The following DCAF1 variants were observed in gnomAD, a reference collection of about 807,000 sequenced individuals.
DCAF1 encodes the protein DDB1- and CUL4-associated factor 1.
DCAF1 carries 15 observed loss-of-function variants against 128.0 expected under a neutral mutation model. That is an observed-to-expected ratio of 0.12 (90% CI 0.08 to 0.18). DCAF1 has a LOEUF of 0.18. Among genes scored for constraint, DCAF1 ranks in the 10% least tolerant of loss-of-function variants. DCAF1 has a pLI of 1.00. For missense variants in DCAF1, 988 were observed against 1,649.5 expected (o/e 0.60, Z 6.95); for synonymous variants, 610 against 603.0 (o/e 1.01, Z -0.17).
At chr3:51,453,727 C>T (rs1702585564) in intron 6 of DCAF1, among the ~76,000 whole-genome samples, 1 of 152,052 alleles carries the variant, frequency 6.6e-6, no homozygotes, top group Admixed American at 6.6e-5. Context: ...CCAAGGCGGG[C>T]AGATCAGCTG....
At chr3:51,493,857 C>G (rs1417131625) in intron 2 of DCAF1, among the ~76,000 whole-genome samples, 1 of 151,662 alleles carries the variant, frequency 6.6e-6, no homozygotes, top group Non-Finnish European at 1.5e-5. Context: ...ATTAGCCGGG[C>G]GTGGTGGCAT....
intron 16 of DCAF1, 149 bp from the exon 17 acceptor site, chr3:51,418,347 G>A (rs1553631149): frequency 1.4e-5 from 20 of 1,415,556 alleles, no homozygotes. Flanking sequence ...GAAATGGTCA[G>A]AAGCCACTAG....
intron 6 of DCAF1, among the ~76,000 whole-genome samples, chr3:51,460,714 T>C (rs1161405803): frequency 1.3e-5 from 2 of 152,052 alleles, no homozygotes; most frequent in Non-Finnish European, 2.9e-5. Flanking sequence ...AAAACAGATA[T>C]ATAGACCAAT....
chr3:51,414,381 G>A (rs1161884022), intron 19 of DCAF1, among the ~76,000 whole-genome samples: 1 of 152,194 alleles, frequency 6.6e-6, no homozygotes, highest in Non-Finnish European at 1.5e-5. Flanking sequence ...GGAGAACTGG[G>A]AGGTAGGAAA....
In DCAF1 at chr3:51,439,442, A is replaced by ATT. The variant is rs1191716094; in HGVS notation, c.1128+1526_1128+1527dup. On this transcript the variant is annotated intron_variant, in intron 9 of 24. Transcript: ENST00000684031. ...CGTGCCTGGCCTGTCTGCTATTTCTATTTTTTTTTTTTTTTTTGAGACAGA... is the reference window on the plus strand; with the variant it reads ...CGTGCCTGGCCTGTCTGCTATTTCTATTTTTTTTTTTTTTTTTTTGAGACAGA... Among the ~76,000 whole-genome samples, 1,246 of 128,340 alleles carry ATT rather than the reference A, an allele frequency of 9.7e-3. 42 individuals carry two copies. Among genetic ancestry groups the ATT allele is most frequent in the East Asian group, 0.011 (46 of 4,350 alleles). The allele number at this position is 128,340 out of a possible 152,430, so 84.2% of individuals were successfully genotyped here.
At chr3:51,407,181 AAC>A (rs1697920563) in intron 23 of DCAF1, among the ~76,000 whole-genome samples, 11 of 61,238 alleles carry the variant, frequency 1.8e-4, no homozygotes, top group South Asian at 1.1e-3. Flanking sequence ...AAAAAAAAAC[AAC>A]AACAAAACCG....
intron 13 of DCAF1, among the ~76,000 whole-genome samples, chr3:51,422,649 A>C (rs1445367986): frequency 6.6e-6 from 1 of 152,236 alleles, no homozygotes; most frequent in African/African-American, 2.4e-5. Flanking sequence ...ATTTTTACCT[A>C]TTAAACTTCT....
At chr3:51,429,807 T>A (rs1418617402) in intron 11 of DCAF1, among the ~76,000 whole-genome samples, 1 of 151,974 alleles carries the variant, frequency 6.6e-6, no homozygotes, top group Non-Finnish European at 1.5e-5. Flanking sequence ...ATCCCCGTTA[T>A]AAGATTACTA....
In DCAF1 at chr3:51,441,835, T is replaced by C; in HGVS notation, c.576A>G (p.Glu192=). 6.2e-7 allele frequency: 1 copy of C among 1,613,422 alleles called. No individual in the cohort carries two copies. Among genetic ancestry groups the C allele is most frequent in the South Asian group, 1.1e-5 (1 of 91,080 alleles). The change falls in exon 8 of 25, where the codon GAA becomes GAG. Residue 192 remains glutamate, a synonymous_variant. Transcript: ENST00000684031. ...GCTTCCGTGGACTGGGACGCTTGTT[T>C]TCCTGCCGCAAAGCCACTTCCTGTA... ...LQLQEVALRQ[E]NKRPSPRKLS...
At chr3:51,501,577 T>C (rs1708810865), upstream of DCAF1, among the ~76,000 whole-genome samples, 3 of 152,180 alleles carry the variant, frequency 2.0e-5, no homozygotes, top group Non-Finnish European at 2.9e-5. Context: ...GCTCGACAGC[T>C]AGTAAGGATC....
At chr3:51,429,907 A>G (rs1700224649) in intron 11 of DCAF1, 126 bp downstream of exon 11, 1 of 598,770 alleles carries the variant, frequency 1.7e-6, no homozygotes, top group African/African-American at 1.9e-5. Context: ...AAAAAACTTC[A>G]CAAAAAGAAT....
Position 51,403,345 on chromosome 3 carries a change from G to A in DCAF1, c.4263C>T (p.Thr1421=), listed in dbSNP as rs782571547. ...CAGTGTCAAGCTCATCTAAATCATC[G>A]GTGTCATCATCATCTTCATCATCAT... ...EEDDDEDDDD[T]DDLDELDTDQ... Residue 1421 remains threonine, a synonymous_variant, in exon 24 of 25, where the codon ACC becomes ACT. Transcript: ENST00000684031. The A allele has an allele frequency of 1.7e-5, 27 of 1,556,648 alleles. No individual in the cohort carries two copies. Among genetic ancestry groups the A allele is most frequent in the Admixed American group, 1.2e-4 (6 of 51,314 alleles).
chr3:51,446,756 T>C (rs1248547400), intron 6 of DCAF1, among the ~76,000 whole-genome samples: 1 of 150,432 alleles, frequency 6.6e-6, no homozygotes, highest in Non-Finnish European at 1.5e-5. Flanking sequence ...AGGACAGGAG[T>C]TCAAGACCAG....
rs1553631428 is a variant in DCAF1, at chr3:51,418,801, C to T, written c.3312G>A (p.Arg1104=). ...AGGTGCCAAGCATCAGGAACCGCTC[C>T]CGTGCTGAGAATGCACAGCAGGTGA... ...SGFTCCAFSA[R]ERFLMLGTCT... The change falls in exon 16 of 25, where the codon CGG becomes CGA. Residue 1104 remains arginine, a synonymous_variant. Transcript: ENST00000684031. 5 of 1,613,846 alleles carry T rather than the reference C, an allele frequency of 3.1e-6. No individual in the cohort carries two copies. Among genetic ancestry groups the T allele is most frequent in the Middle Eastern group, 1.6e-4 (1 of 6,082 alleles).
chr3:51,401,392 C>T (rs1559466361), intron 24 of DCAF1, among the ~76,000 whole-genome samples: 1 of 152,206 alleles, frequency 6.6e-6, no homozygotes. Flanking sequence ...GAATGCTCTC[C>T]TTGCTGACAG....
At chr3:51,470,306 A>T (rs1704590107) in intron 4 of DCAF1, among the ~76,000 whole-genome samples, 1 of 152,200 alleles carries the variant, frequency 6.6e-6, no homozygotes, top group Non-Finnish European at 1.5e-5. Context: ...CATGCCTATA[A>T]TCCCAGCACT....
intron 6 of DCAF1, among the ~76,000 whole-genome samples, chr3:51,457,979 T>C (rs1185432578): frequency 2.0e-5 from 3 of 152,122 alleles, no homozygotes; most frequent in Admixed American, 2.0e-4. Context: ...GTAAAGACCA[T>C]TAACGCTAGG....
At chr3:51,462,252 T>C (rs1307496627) in intron 6 of DCAF1, among the ~76,000 whole-genome samples, 1 of 151,486 alleles carries the variant, frequency 6.6e-6, no homozygotes, top group Admixed American at 6.6e-5. Context: ...TGAAACGCTG[T>C]CTCTACTAAA....
chr3:51,503,497 G>A (rs782760066), upstream of DCAF1, among the ~76,000 whole-genome samples: 4 of 152,042 alleles, frequency 2.6e-5, no homozygotes, highest in African/African-American at 7.2e-5. Flanking sequence ...CAACTCCTGC[G>A]CTTCCTCCAG....
Sources: gnomAD v4.1 joint callset for allele counts (sites outside exome capture counted in the v4.1 genomes callset) on GRCh38, gnomAD v4.1.1 for gene constraint, MANE v1.5 for transcripts, NCBI Gene and HGNC (gene_info 2026-07-23, HGNC 2026-07-21) for gene names.